The following FAM151B variants were observed in gnomAD, a reference collection of about 807,000 sequenced individuals.
The protein encoded by FAM151B is protein FAM151B.
In FAM151B, 24 loss-of-function variants were observed where a neutral mutation model predicts 31.2. That is an observed-to-expected ratio of 0.77 (90% confidence interval 0.56 to 1.08). FAM151B has a LOEUF of 1.08. Ranked by LOEUF, FAM151B falls within the 50% of genes least tolerant of loss-of-function variation. FAM151B has a pLI of 0.00. For missense variants in FAM151B, 293 were observed against 328.6 expected, an observed-to-expected ratio of 0.89 and a Z score of 0.84; for synonymous variants, 105 against 111.4, an observed-to-expected ratio of 0.94 and a Z score of 0.36.
At chr5:80,532,463 A>G (rs1232358238) in intron 5 of FAM151B, among the ~76,000 whole-genome samples, 1 of 152,234 alleles carries the variant, frequency 6.6e-6, no homozygotes, top group Non-Finnish European at 1.5e-5. Flanking sequence ...TAACAATTGT[A>G]AATATATATA....
intron 5 of FAM151B, among the ~76,000 whole-genome samples, chr5:80,525,487 T>C (rs961246303): frequency 4.6e-5 from 7 of 152,168 alleles, no homozygotes; most frequent in African/African-American, 1.7e-4. Flanking sequence ...TAAGTGTTTT[T>C]ATTATAGAAA....
At chr5:80,540,577 G>A (rs1442195891) in intron 5 of FAM151B, among the ~76,000 whole-genome samples, 1 of 152,036 alleles carries the variant, frequency 6.6e-6, no homozygotes, top group Admixed American at 6.6e-5. Flanking sequence ...ATTAAAAAAG[G>A]CAAAATAATA....
intron 1 of FAM151B, 31 bp from the exon 2 acceptor site, chr5:80,501,761 A>T (rs1022069732): frequency 6.5e-7 from 1 of 1,539,354 alleles, no homozygotes; most frequent in African/African-American, 1.4e-5. Context: ...AAAAAACAAT[A>T]TCACTTTTCA....
At chr5:80,517,022 C>T (rs1561370607) in intron 3 of FAM151B, among the ~76,000 whole-genome samples, 1 of 152,138 alleles carries the variant, frequency 6.6e-6, no homozygotes, top group Admixed American at 6.6e-5. Context: ...TCATCCCTTC[C>T]CTTCGTCCAG....
At chr5:80,522,579 T>C (rs1446635992) in intron 5 of FAM151B, 2 of 152,264 alleles carry the variant, frequency 1.3e-5, no homozygotes, top group Non-Finnish European at 2.9e-5. Flanking sequence ...CTGGGCAATT[T>C]AGTGAGAACT....
At chr5:80,533,749 CAAAAAA>C (rs71601590) in intron 5 of FAM151B, among the ~76,000 whole-genome samples, 1 of 67,548 alleles carries the variant, frequency 1.5e-5, no homozygotes, top group African/African-American at 5.7e-5. Flanking sequence ...GACTCCATCT[CAAAAAA>C]AAAAAAAAAA....
At chr5:80,533,976 G>A (rs1312316913) in intron 5 of FAM151B, among the ~76,000 whole-genome samples, 3 of 152,018 alleles carry the variant, frequency 2.0e-5, no homozygotes, top group Admixed American at 1.3e-4. Flanking sequence ...GCTACTGTGA[G>A]CAACTATATG....
rs1423824885 is a variant in FAM151B at position 80,506,061 on chromosome 5, C to T, written c.151+4144C>T. 4 of 985,840 alleles carry T rather than the reference C, an allele frequency of 4.1e-6. No homozygotes were observed. In the South Asian group the frequency reaches 1.9e-4, roughly 46 times the overall value. The allele number at this position is 985,840 out of a possible 1,614,324, so 61.1% of individuals were successfully genotyped here. A position where few individuals can be genotyped will look rare whatever the true frequency, so the allele number is the denominator to read the frequency against. On this transcript the variant is annotated intron_variant, in intron 2 of 5. Coordinates refer to ENST00000282226, the MANE Select transcript of FAM151B (RefSeq NM_205548.3). ...GTGAGCCACCACGCCCGGCCAAGAA[C>T]TTTACTTTTATTAAGGTATCCATTT...
chr5:80,535,248 A>G (rs565595497), intron 5 of FAM151B, among the ~76,000 whole-genome samples: 8 of 152,210 alleles, frequency 5.3e-5, no homozygotes, highest in Non-Finnish European at 1.2e-4. Flanking sequence ...TATTTTAAAA[A>G]TCCTAAACTG....
intron 1 of FAM151B, chr5:80,498,551 G>A: frequency 9.3e-7 from 1 of 1,069,926 alleles, no homozygotes; most frequent in Non-Finnish European, 1.4e-6. Flanking sequence ...CTGGTTTGTT[G>A]AAGCAGTAAG....
At chr5:80,527,692 AGG>A (rs1745035729) in intron 5 of FAM151B, among the ~76,000 whole-genome samples, 1 of 152,216 alleles carries the variant, frequency 6.6e-6, no homozygotes, top group African/African-American at 2.4e-5. Context: ...ACACCTGTGT[AGG>A]GCACTTACCA....
In FAM151B at chr5:80,490,433, T is replaced by A. The variant is rs114703116; in HGVS notation, c.25+2285T>A. ...TGATGTACAATTTGCATACTATTAA[T>A]ATACAACTTATTTAAAGAGTATAAT... On this transcript the variant is annotated intron_variant, in intron 1 of 5. Coordinates refer to ENST00000282226, the MANE Select transcript of FAM151B (RefSeq NM_205548.3). Among the ~76,000 whole-genome samples, 243 of 152,378 alleles carry A rather than the reference T, an allele frequency of 1.6e-3. 2 individuals carry two copies. Among genetic ancestry groups the A allele is most frequent in the African/African-American group, 5.6e-3 (232 of 41,590 alleles).
At chr5:80,498,407 C>T in intron 1 of FAM151B, 1 of 361,772 alleles carries the variant, frequency 2.8e-6, no homozygotes, top group Admixed American at 4.0e-5. Context: ...CTTTATATGC[C>T]CCTCCATTCT....
chr5:80,499,988 A>G (rs1743684891), intron 1 of FAM151B: 1 of 162,738 alleles, frequency 6.1e-6, no homozygotes, highest in Admixed American at 6.1e-5. Flanking sequence ...TGGCCAAGGT[A>G]TGGAAGCAAC....
intron 5 of FAM151B, 52 bp downstream of exon 5, chr5:80,522,190 T>C: frequency 6.5e-7 from 1 of 1,529,978 alleles, no homozygotes; most frequent in South Asian, 1.2e-5. Context: ...GAGACAGAGA[T>C]AGAAAGGGCA....
intron 1 of FAM151B, among the ~76,000 whole-genome samples, chr5:80,494,511 T>TC (rs1190097495): frequency 6.7e-6 from 1 of 149,650 alleles, no homozygotes; most frequent in African/African-American, 2.5e-5. Flanking sequence ...TTTCTTTCTT[T>TC]CTTTCTTTCT....
At chr5:80,507,035 C>T (rs1178648203) in intron 2 of FAM151B, among the ~76,000 whole-genome samples, 1 of 150,572 alleles carries the variant, frequency 6.6e-6, no homozygotes, top group Non-Finnish European at 1.5e-5. Context: ...AGGAGAATTG[C>T]TTGAACCCAG....
rs562248084 is a variant in FAM151B, at chr5:80,500,323, G to A, written c.26-1469G>A. 1.4e-4 allele frequency: 120 copies of A among 831,730 alleles called. 1 individual carries two copies. The African/African-American group carries it at 1.8e-3, about 12-fold the overall frequency. 51.5% of individuals were successfully genotyped at this position (831,730 alleles called of 1,614,324 possible). A position where few individuals can be genotyped will look rare whatever the true frequency, so the allele number is the denominator to read the frequency against. On this transcript the variant is annotated intron_variant, in intron 1 of 5. Transcript: ENST00000282226. ...AGATGAGCAAGTTGCCTCTTTTTCC[G>A]GCTGGAACCATGGAGGGTGTAGAAG... is the stretch of plus-strand genomic sequence containing the variant.
intron 1 of FAM151B, chr5:80,499,013 GA>G (rs201109845): frequency 0.035 from 5,172 of 147,034 alleles, 81 homozygotes; most frequent in African/African-American, 0.055. Context: ...ATGGCAGATG[GA>G]AAAAAAAAAA....
Sources: allele counts gnomAD v4.1 joint callset (sites outside exome capture counted in the v4.1 genomes callset), GRCh38; gene constraint gnomAD v4.1.1; transcripts MANE v1.5; gene names NCBI Gene and HGNC (gene_info 2026-07-23, HGNC 2026-07-21).